Variants in PCYT1B observed in about 807,000 individuals in gnomAD.
The protein encoded by PCYT1B is choline-phosphate cytidylyltransferase B.
In PCYT1B, 10 loss-of-function variants were observed where a neutral mutation model predicts 26.4. The ratio of observed to expected loss-of-function variants is 0.38; its 90% CI spans 0.23 to 0.64. PCYT1B has a LOEUF of 0.64. Ranked by LOEUF, PCYT1B falls within the 30% of genes least tolerant of loss-of-function variation. The probability of loss-of-function intolerance (pLI) is 0.56; values close to 1 mark genes in which losing one functional copy is unlikely to be tolerated. For missense variants in PCYT1B, 161 were observed against 292.7 expected, an observed-to-expected ratio of 0.55 and a Z score of 3.28; for synonymous variants, 131 against 108.4, an observed-to-expected ratio of 1.21 and a Z score of -1.29.
At chrX:24,584,895 T>C (rs1924320020) in intron 5 of PCYT1B, among the ~76,000 whole-genome samples, 1 of 111,189 alleles carries the variant, frequency 9.0e-6, no homozygotes, top group Non-Finnish European at 1.9e-5. Context: ...AGGCAAGAAT[T>C]CCACTAGGAA....
chrX:24,615,464 C>A (rs1925456155), intron 2 of PCYT1B, among the ~76,000 whole-genome samples: 1 of 110,337 alleles, frequency 9.1e-6, no homozygotes, highest in Admixed American at 9.7e-5. Context: ...TCTCTTGTCC[C>A]ACACTTTTTT....
chrX:24,559,470 A>AAAG lies in PCYT1B; in HGVS notation c.*2820_*2822dup, dbSNP rs1923319000. 1.8e-5 allele frequency: 2 copies of AAAG among 108,759 alleles called. No homozygotes were observed. Among genetic ancestry groups the AAAG allele is most frequent in the Admixed American group, 2.0e-4 (2 of 10,168 alleles). 9.0% of individuals were successfully genotyped at this position (108,759 alleles called of 1,213,427 possible). A position where few individuals can be genotyped will look rare whatever the true frequency, so the allele number is the denominator to read the frequency against. ...GAGAGAGAGAGAAAGAAAGAGAAAGAAAGTAAAAGAAAGAAAGAAAGAAAA... is the reference window on the plus strand; with the variant it reads ...GAGAGAGAGAGAAAGAAAGAGAAAGAAAGAAGTAAAAGAAAGAAAGAAAGAAAA... On this transcript the variant is annotated 3_prime_UTR_variant, in exon 8 of 8. Transcript: ENST00000379144.
intron 7 of PCYT1B, among the ~76,000 whole-genome samples, chrX:24,567,683 G>A (rs777143122): frequency 2.3e-4 from 26 of 111,971 alleles, no homozygotes; most frequent in Non-Finnish European, 4.7e-4. Context: ...GGGTGCGGTG[G>A]CTCATGCCTG....
At chrX:24,572,438 C>G (rs1923862856) in intron 7 of PCYT1B, among the ~76,000 whole-genome samples, 1 of 111,628 alleles carries the variant, frequency 9.0e-6, no homozygotes, top group African/African-American at 3.3e-5. Context: ...AAGTTACATA[C>G]TATGCTGCAT....
At chrX:24,641,496 T>C (rs61760933) in intron 1 of PCYT1B, among the ~76,000 whole-genome samples, 11 of 112,245 alleles carry the variant, frequency 9.8e-5, no homozygotes, top group Non-Finnish European at 1.5e-4. Flanking sequence ...ACTACATATA[T>C]GTATACGTGA....
At position 24,575,336 on chromosome X, in the gene PCYT1B, G is replaced by GAAA; in HGVS notation, c.709-21_709-19dup. 1 of 914,952 alleles carries GAAA rather than the reference G, an allele frequency of 1.1e-6. No homozygotes were observed. The highest frequency in any genetic ancestry group is 1.5e-6 in the Non-Finnish European group (1 of 676,935). 75.4% of individuals were successfully genotyped at this position (914,952 alleles called of 1,213,427 possible). ...CTCTTCTCCTGGTGAAAGTTTACAG[G>GAAA]AAAAAAAAAAACAGATTTATCCAAG... is the stretch of plus-strand genomic sequence containing the variant. On this transcript the variant is annotated intron_variant, in intron 6 of 7. Transcript: ENST00000379144.
intron 1 of PCYT1B, among the ~76,000 whole-genome samples, chrX:24,659,289 A>T (rs994801336): frequency 4.5e-5 from 5 of 112,318 alleles, no homozygotes; most frequent in Non-Finnish European, 9.4e-5. Context: ...TATTTGACTC[A>T]TTCAGTAAGT....
At chrX:24,670,144 G>A (rs1217935921) in intron 1 of PCYT1B, among the ~76,000 whole-genome samples, 1 of 107,872 alleles carries the variant, frequency 9.3e-6, no homozygotes, top group Non-Finnish European at 1.9e-5. Flanking sequence ...AAGGAAGGAA[G>A]GAAGGAAGGA....
At chrX:24,585,979 T>C (rs1462620405) in intron 5 of PCYT1B, among the ~76,000 whole-genome samples, 1 of 111,034 alleles carries the variant, frequency 9.0e-6, no homozygotes, top group Non-Finnish European at 1.9e-5. Flanking sequence ...TCTCCATCTC[T>C]GCCTCCCACC....
chrX:24,668,551 G>C (rs1203437794), intron 1 of PCYT1B, among the ~76,000 whole-genome samples: 1 of 111,128 alleles, frequency 9.0e-6, no homozygotes, highest in Non-Finnish European at 1.9e-5. Context: ...ACTGTGCAGA[G>C]CCCACAGGAG....
chrX:24,575,092 C>A, intron 7 of PCYT1B, 38 bp downstream of exon 7: 1 of 1,076,274 alleles, frequency 9.3e-7, no homozygotes, highest in Non-Finnish European at 1.2e-6. Flanking sequence ...AAACTGAAAA[C>A]ACTCATCATT....
At chrX:24,568,585 C>G (rs146897232) in intron 7 of PCYT1B, among the ~76,000 whole-genome samples, 1 of 110,622 alleles carries the variant, frequency 9.0e-6, no homozygotes, top group African/African-American at 3.3e-5. Flanking sequence ...AAGTATGAAC[C>G]AATGTAATCC....
chrX:24,575,040 G>T, intron 7 of PCYT1B, 90 bp downstream of exon 7: 1 of 711,383 alleles, frequency 1.4e-6, no homozygotes, highest in Non-Finnish European at 2.0e-6. Context: ...CAGTGGATCT[G>T]AGATAAGGGG....
chrX:24,619,005 T>C lies in PCYT1B; in HGVS notation c.197A>G (p.Gln66Arg). Residue 66 changes from glutamine to arginine, a missense_variant, in exon 2 of 8, where the codon CAG (glutamine) becomes CGG (arginine). Physicochemically the swap from Gln to Arg is conservative, Grantham distance 43. Coordinates refer to ENST00000379144, the MANE Select transcript of PCYT1B (RefSeq NM_004845.5). ...QAPHEKLTIA[Q>R]ARLGTPADRP... ...CTCACCTGGTGTTCCTAAGCGGGCC[T>C]GAGCAATGGTCAGTTTTTCATGGGG... is the stretch of plus-strand genomic sequence containing the variant. The C allele has an allele frequency of 8.6e-7, 1 of 1,160,262 alleles. No homozygotes were observed. Among genetic ancestry groups the C allele is most frequent in the Non-Finnish European group, 1.2e-6 (1 of 864,982 alleles).
chrX:24,617,164 A>G (rs1291877334), intron 2 of PCYT1B, among the ~76,000 whole-genome samples: 1 of 111,903 alleles, frequency 8.9e-6, no homozygotes, highest in African/African-American at 3.2e-5. Context: ...TTAGTAGTGA[A>G]TGACCTTGTG....
At chrX:24,587,136 C>T in intron 5 of PCYT1B, 105 bp downstream of exon 5, 1 of 550,019 alleles carries the variant, frequency 1.8e-6, no homozygotes, top group Non-Finnish European at 3.1e-6. Flanking sequence ...AAAGTTGTAA[C>T]TCCCTGTTTG....
chrX:24,582,861 AT>A (rs755641920), intron 5 of PCYT1B, among the ~76,000 whole-genome samples: 1 of 111,982 alleles, frequency 8.9e-6, no homozygotes, highest in Non-Finnish European at 1.9e-5. Context: ...TTCTCCCATG[AT>A]GAATTCTGGC....
intron 7 of PCYT1B, among the ~76,000 whole-genome samples, chrX:24,570,455 C>T (rs767801664): frequency 2.8e-5 from 3 of 108,910 alleles, no homozygotes; most frequent in South Asian, 8.3e-4. Context: ...GGTTTCACCA[C>T]GTTGGCCAGG....
intron 1 of PCYT1B, among the ~76,000 whole-genome samples, chrX:24,656,551 C>CTTTTTTTTTTTTTTTTTTTT (rs1179469896): frequency 1.8e-5 from 1 of 56,637 alleles, no homozygotes; most frequent in Non-Finnish European, 3.0e-5. Context: ...TCTTTTTTTC[C>CTTTTTTTTTTTTTTTTTTTT]TTTTTTTTTT....
Sources: gnomAD v4.1 joint callset for allele counts (sites outside exome capture counted in the v4.1 genomes callset) on GRCh38, gnomAD v4.1.1 for gene constraint, MANE v1.5 for transcripts, NCBI Gene and HGNC (gene_info 2026-07-23, HGNC 2026-07-21) for gene names.